The following LAMA3 variants were observed in gnomAD, a reference collection of about 807,000 sequenced individuals.
LAMA3 encodes laminin subunit alpha-3.
Under a neutral mutation model 402.0 loss-of-function variants are expected in LAMA3, and 281 were observed. The observed-to-expected ratio is 0.70, with a 90% confidence interval of 0.63 to 0.77. The LOEUF (loss-of-function observed/expected upper bound fraction) is 0.77. Ranked by LOEUF, LAMA3 falls within the 30% of genes least tolerant of loss-of-function variation. The pLI is 0.00. For synonymous variants in LAMA3, 1,431 were observed against 1,558.4 expected (o/e 0.92, Z 1.93); for missense variants, 3,840 against 4,215.5 (o/e 0.91, Z 2.47).
At chr18:23,925,040 C>G (rs1242166964) in intron 62 of LAMA3, among the ~76,000 whole-genome samples, 1 of 152,166 alleles carries the variant, frequency 6.6e-6, no homozygotes, top group African/African-American at 2.4e-5. Context: ...GGGCATGAGT[C>G]ACTGGGAGGT....
intron 69 of LAMA3, among the ~76,000 whole-genome samples, chr18:23,944,347 T>A (rs2082632955): frequency 6.6e-6 from 1 of 152,204 alleles, no homozygotes; most frequent in African/African-American, 2.4e-5. Context: ...ATCTTGGCTC[T>A]TGCTTAAAGC....
chr18:23,777,942 A>G (rs2062358960), intron 11 of LAMA3, among the ~76,000 whole-genome samples: 1 of 152,256 alleles, frequency 6.6e-6, no homozygotes. Context: ...AAAGGAATGG[A>G]GAGCAAGTCA....
At chr18:23,836,643 T>C (rs921785299) in intron 24 of LAMA3, among the ~76,000 whole-genome samples, 1 of 152,130 alleles carries the variant, frequency 6.6e-6, no homozygotes, top group South Asian at 2.1e-4. Context: ...TAATTGTGAA[T>C]AGCCCCGAGA....
intron 63 of LAMA3, 67 bp downstream of exon 63, chr18:23,928,307 C>A: frequency 9.9e-7 from 1 of 1,014,638 alleles, no homozygotes; most frequent in Non-Finnish European, 1.6e-6. Flanking sequence ...TATCCATTAA[C>A]GCAGCAACTT....
chr18:23,750,820 C>A lies in LAMA3; in HGVS notation c.685-98C>A, dbSNP rs1486919893. 4.5e-6 allele frequency: 6 copies of A among 1,324,318 alleles called. No individual in the cohort carries two copies. The East Asian group carries it at 1.1e-4, about 25-fold the overall frequency. 82.0% of individuals were successfully genotyped at this position (1,324,318 alleles called of 1,614,324 possible). A position where few individuals can be genotyped will look rare whatever the true frequency, so the allele number is the denominator to read the frequency against. On this transcript the variant is annotated intron_variant, in intron 4 of 74. Transcript: ENST00000313654. The stretch of plus-strand genomic sequence containing the variant: ...ACGAATATCAAATGGCTCAAAGAAA[C>A]CAAGTGCCTTGGGGCATGTGAGTTA...
intron 44 of LAMA3, among the ~76,000 whole-genome samples, chr18:23,897,849 A>T (rs1388088316): frequency 2.6e-5 from 4 of 152,206 alleles, no homozygotes; most frequent in African/African-American, 9.7e-5. Context: ...TTTACAATAC[A>T]TTAGCTCGCT....
intron 11 of LAMA3, among the ~76,000 whole-genome samples, chr18:23,781,767 G>T (rs575792975): frequency 2.6e-5 from 4 of 152,278 alleles, no homozygotes; most frequent in Admixed American, 2.6e-4. Flanking sequence ...CCTTTCTCCT[G>T]GGAAATTTTA....
chr18:23,954,402 A>G (rs2083037885), intron 74 of LAMA3, 101 bp from the exon 75 acceptor site: 2 of 98,754 alleles, frequency 2.0e-5, no homozygotes, highest in Admixed American at 3.4e-4. Flanking sequence ...GACCCTGTCT[A>G]AAAAAAAAAA....
chr18:23,851,591 T>A (rs1280294505), intron 32 of LAMA3, among the ~76,000 whole-genome samples: 9 of 152,220 alleles, frequency 5.9e-5, no homozygotes, highest in African/African-American at 2.2e-4. Flanking sequence ...TTAGCTGTTG[T>A]GGTTATTTGC....
At chr18:23,895,597 A>G (rs2080850429) in intron 44 of LAMA3, among the ~76,000 whole-genome samples, 1 of 152,240 alleles carries the variant, frequency 6.6e-6, no homozygotes, top group African/African-American at 2.4e-5. Flanking sequence ...AAAATTGTTC[A>G]TAATGTTCCC....
chr18:23,914,813 C>G lies in LAMA3; in HGVS notation c.7597C>G (p.Pro2533Ala), dbSNP rs201547061. The G allele has an allele frequency of 1.2e-6, 2 of 1,613,182 alleles. No homozygotes were observed. Among genetic ancestry groups the G allele is most frequent in the Non-Finnish European group, 8.5e-7 (1 of 1,179,304 alleles). ...RNSNTLLNLD[P>A]ENVVFYVGGY... ...TAGCAATACACTCCTTAATTTGGAT[C>G]CTGAAAATGTTGTATTTTATGTTGG... Residue 2533 changes from proline (P) to alanine (A), a missense_variant, in exon 58 of 75, where the codon CCT (proline) becomes GCT (alanine). Coordinates refer to ENST00000313654, the MANE Select transcript of LAMA3 (RefSeq NM_198129.4).
chr18:23,694,751 C>T (rs970367684), intron 1 of LAMA3, among the ~76,000 whole-genome samples: 1 of 152,188 alleles, frequency 6.6e-6, no homozygotes, highest in African/African-American at 2.4e-5. Context: ...GCTAATGCCA[C>T]TTATCACCTT....
chr18:23,834,065 TG>T (rs1278842521), intron 24 of LAMA3, 77 bp downstream of exon 24: 1 of 1,526,128 alleles, frequency 6.6e-7, no homozygotes, highest in Non-Finnish European at 9.1e-7. Flanking sequence ...GGCTGTTACT[TG>T]CATTGGGAGG....
chr18:23,871,737 G>C, intron 38 of LAMA3, 76 bp downstream of exon 38: 1 of 1,149,514 alleles, frequency 8.7e-7, no homozygotes. Context: ...CAGCACTGTG[G>C]GATGGTTTGG....
Position 23,839,029 on chromosome 18 carries a change from A to T in LAMA3, c.3191+151A>T. Reference sequence around the variant, plus strand: ...TTTAAAACAGAAAGAAAAACCAGCTAAATAATTTACCCCAGCAGTTTTTCC... The same window carrying T: ...TTTAAAACAGAAAGAAAAACCAGCTTAATAATTTACCCCAGCAGTTTTTCC... On this transcript the variant is annotated intron_variant, in intron 26 of 74. Coordinates refer to ENST00000313654, the MANE Select transcript of LAMA3 (RefSeq NM_198129.4). The surrounding 1 kb of genome is among the most constrained non-coding windows in gnomAD (Gnocchi z 4.5). The T allele has an allele frequency of 4.3e-6, 3 of 690,978 alleles. No individual in the cohort carries two copies. The highest frequency in any genetic ancestry group is 7.9e-6 in the Non-Finnish European group (3 of 377,940). 42.8% of individuals were successfully genotyped at this position (690,978 alleles called of 1,614,324 possible). A position where few individuals can be genotyped will look rare whatever the true frequency, so the allele number is the denominator to read the frequency against.
chr18:23,758,515 G>A lies in LAMA3; in HGVS notation c.1063+4G>A, dbSNP rs1458423776. The A allele has an allele frequency of 3.1e-6, 5 of 1,610,076 alleles. No individual in the cohort carries two copies. Among genetic ancestry groups the A allele is most frequent in the Non-Finnish European group, 4.2e-6 (5 of 1,178,020 alleles). ...GAGCAGAGCCACGAGTGTGAAGGTG[G>A]GTGTGGGGATGGGGTGGGGGCCACA... On this transcript the variant is annotated splice_donor_region_variant and intron_variant, in intron 7 of 74. Coordinates refer to ENST00000313654, the MANE Select transcript of LAMA3 (RefSeq NM_198129.4).
chr18:23,946,174 C>A lies in LAMA3; in HGVS notation c.9241C>A (p.Arg3081Ser), dbSNP rs35762515. Reference protein sequence around the residue: ...VVFGHDGEKGRLVVDGLRARE... With the variant: ...VVFGHDGEKGSLVVDGLRARE... ...GTTTGGCCATGATGGGGAAAAGGGG[C>A]GCTTGGTTGTGGATGGACTGAGGGC... is the stretch of plus-strand genomic sequence containing the variant. The change falls in exon 70 of 75, where the codon CGC becomes AGC. Residue 3081 changes from arginine (R) to serine (S), a missense_variant. Coordinates refer to ENST00000313654, the MANE Select transcript of LAMA3 (RefSeq NM_198129.4). 1.9e-6 allele frequency: 3 copies of A among 1,613,916 alleles called. No individual in the cohort carries two copies. The highest frequency in any genetic ancestry group is 1.3e-5 in the African/African-American group (1 of 74,990).
At chr18:23,792,145 A>G (rs951363251) in intron 12 of LAMA3, among the ~76,000 whole-genome samples, 10 of 151,726 alleles carry the variant, frequency 6.6e-5, no homozygotes, top group African/African-American at 2.4e-4. Context: ...GTTGCCGTGA[A>G]CTCCTTACCC....
intron 32 of LAMA3, among the ~76,000 whole-genome samples, chr18:23,852,484 TAG>T (rs202223644): frequency 3.3e-5 from 5 of 152,342 alleles, no homozygotes; most frequent in South Asian, 2.1e-4. Context: ...TGAGGTTTTT[TAG>T]CTTTCCCTTA....
Sources: allele counts gnomAD v4.1 joint callset (sites outside exome capture counted in the v4.1 genomes callset), GRCh38; gene constraint gnomAD v4.1.1; non-coding constraint Gnocchi (gnomAD v3.1); transcripts MANE v1.5; gene names NCBI Gene and HGNC (gene_info 2026-07-23, HGNC 2026-07-21).